BLOC1S3: variants seen among roughly 807,000 people sequenced by gnomAD.
BLOC1S3 encodes biogenesis of lysosomal organelles complex 1 subunit 3, also known as biogenesis of lysosome-related organelles complex 1 subunit 3.
Under a neutral mutation model 9.1 loss-of-function variants are expected in BLOC1S3, and 7 were observed. That is an observed-to-expected ratio of 0.77 (90% CI 0.44 to 1.45). The LOEUF (loss-of-function observed/expected upper bound fraction) is 1.45, where lower values mean the gene tolerates loss of function less well. Ranked by LOEUF, BLOC1S3 falls within the 40% of genes most tolerant of loss-of-function variation. The probability of loss-of-function intolerance (pLI) is 0.01; values close to 1 mark genes in which losing one functional copy is unlikely to be tolerated. For missense variants in BLOC1S3, 307 were observed against 315.2 expected (o/e 0.97, Z 0.20); for synonymous variants, 145 against 158.4 (o/e 0.92, Z 0.64).
intron 2 of BLOC1S3, among the ~76,000 whole-genome samples, chr19:45,193,323 T>C (rs1475992751): frequency 6.6e-6 from 1 of 152,054 alleles, no homozygotes; most frequent in Non-Finnish European, 1.5e-5. Flanking sequence ...TGGAGGCTTC[T>C]ATTCAGCCAT....
chr19:45,193,460 A>G (rs1237148053), intron 2 of BLOC1S3, among the ~76,000 whole-genome samples: 3 of 152,092 alleles, frequency 2.0e-5, no homozygotes, highest in African/African-American at 7.2e-5. Context: ...CTCATAAAGC[A>G]TATTTAAGAC....
intron 2 of BLOC1S3, among the ~76,000 whole-genome samples, chr19:45,191,975 C>T (rs1001767618): frequency 5.3e-5 from 8 of 152,202 alleles, no homozygotes; most frequent in Non-Finnish European, 8.8e-5. Context: ...GAGGAGCAGA[C>T]GGCAAATCCA....
At chr19:45,215,465 T>C (rs1429445404) in intron 3 of BLOC1S3, among the ~76,000 whole-genome samples, 1 of 151,560 alleles carries the variant, frequency 6.6e-6, no homozygotes, top group African/African-American at 2.4e-5. Context: ...AGTGAGACCC[T>C]GTCTCAAAAA....
At chr19:45,196,658 C>T (rs1355521173) in intron 2 of BLOC1S3, among the ~76,000 whole-genome samples, 6 of 151,852 alleles carry the variant, frequency 4.0e-5, no homozygotes, top group Non-Finnish European at 8.8e-5. Context: ...TTTGGGAGGC[C>T]GAGGCGGGTG....
intron 3 of BLOC1S3, among the ~76,000 whole-genome samples, chr19:45,214,261 C>A (rs1189648364): frequency 6.6e-6 from 1 of 152,120 alleles, no homozygotes; most frequent in Admixed American, 6.6e-5. Flanking sequence ...ACCCTCAGTG[C>A]TGAAACTGAA....
At chr19:45,216,297 C>G in intron 3 of BLOC1S3, 1 of 1,456,082 alleles carries the variant, frequency 6.9e-7, no homozygotes, top group African/African-American at 1.4e-5. Flanking sequence ...TAGCAGAAAC[C>G]AGGGGTGGTG....
rs746337829 is a variant in BLOC1S3 at position 45,179,736 on chromosome 19, C to T, written c.440C>T (p.Ala147Val). 5.1e-5 allele frequency: 75 copies of T among 1,458,938 alleles called. 1 individual carries two copies. In the South Asian group the frequency reaches 9.8e-4, roughly 19 times the overall value. 90.4% of individuals were successfully genotyped at this position (1,458,938 alleles called of 1,614,324 possible). ...RDVAALASRL[A>V]AAQAAGLAAA... ...GTGGCCGCCCTGGCTAGTAGGCTGGCGGCAGCCCAGGCGGCGGGGCTGGCG... is the reference window on the plus strand; with the variant it reads ...GTGGCCGCCCTGGCTAGTAGGCTGGTGGCAGCCCAGGCGGCGGGGCTGGCG... The change falls in exon 2 of 2, where the codon GCG becomes GTG. Residue 147 changes from alanine to valine, a missense_variant. Ala to Val is a moderately conservative substitution (Grantham distance 64). Transcript: ENST00000433642. The surrounding 1 kb of genome is among the most constrained non-coding windows in gnomAD (Gnocchi z 4.6).
chr19:45,194,566 C>G (rs370697073), intron 2 of BLOC1S3, among the ~76,000 whole-genome samples: 7 of 152,190 alleles, frequency 4.6e-5, no homozygotes, highest in African/African-American at 1.7e-4. Flanking sequence ...TAGACACAAT[C>G]TAAATGTCAA....
chr19:45,204,969 C>T (rs762621595), intron 3 of BLOC1S3, among the ~76,000 whole-genome samples: 2 of 151,624 alleles, frequency 1.3e-5, no homozygotes, highest in Admixed American at 6.6e-5. Flanking sequence ...CCTGACCTCG[C>T]GTAATCCCCC....
At chr19:45,184,425 G>A (rs1390695379), downstream of BLOC1S3, among the ~76,000 whole-genome samples, 1 of 152,212 alleles carries the variant, frequency 6.6e-6, no homozygotes, top group East Asian at 1.9e-4. Flanking sequence ...GGGCAATATA[G>A]CGAGACCCCA....
chr19:45,195,870 C>T (rs944104261), intron 2 of BLOC1S3, among the ~76,000 whole-genome samples: 16 of 152,234 alleles, frequency 1.1e-4, no homozygotes, highest in African/African-American at 3.6e-4. Context: ...GGTGGGATTA[C>T]GGGCGTGAGC....
chr19:45,188,510 G>T (rs79139591), intron 2 of BLOC1S3, among the ~76,000 whole-genome samples: 15,275 of 150,184 alleles, frequency 0.1, 1,009 homozygotes, highest in East Asian at 0.29. Context: ...CTAGTCACCC[G>T]GATGTGCTGT....
chr19:45,200,222 C>A, intron 2 of BLOC1S3, among the ~76,000 whole-genome samples: 1 of 143,846 alleles, frequency 7.0e-6, no homozygotes, highest in East Asian at 2.0e-4. Context: ...CGCTGTGTCG[C>A]CCAGGCTGGG....
At position 45,199,795 on chromosome 19, in the gene BLOC1S3, C is replaced by T. The variant is rs1004684226; in HGVS notation, n.181-2611C>T. Among the ~76,000 whole-genome samples the T allele has an allele frequency of 2.6e-5, 4 of 151,826 alleles. No individual in the cohort carries two copies. In the Admixed American group the frequency reaches 2.6e-4, roughly 10 times the overall value. On this transcript the variant is annotated intron_variant and non_coding_transcript_variant, in intron 2 of 3. Transcript: ENST00000591569. ...CTTCTCTTTTTGAGACAGAGTCTCA[C>T]TTTGTCGACCAGGCTGGAGTGCAGT...
intron 3 of BLOC1S3, among the ~76,000 whole-genome samples, chr19:45,207,545 G>T (rs1205749201): frequency 8.4e-6 from 1 of 119,442 alleles, no homozygotes; most frequent in Non-Finnish European, 1.7e-5. Flanking sequence ...GACAGAGCGA[G>T]ACTCTGTCTC....
chr19:45,217,052 T>C (rs1386597206), downstream of BLOC1S3: 3 of 152,320 alleles, frequency 2.0e-5, no homozygotes, highest in Admixed American at 2.0e-4. Flanking sequence ...AGACAGAGTC[T>C]CACTCTGTCC....
intron 2 of BLOC1S3, among the ~76,000 whole-genome samples, chr19:45,194,466 A>G (rs1208556521): frequency 6.6e-6 from 1 of 152,106 alleles, no homozygotes; most frequent in Non-Finnish European, 1.5e-5. Context: ...TACACCCGCG[A>G]TCGTTCCATT....
intron 3 of BLOC1S3, chr19:45,216,316 C>G: frequency 7.3e-7 from 1 of 1,370,754 alleles, no homozygotes; most frequent in Non-Finnish European, 9.7e-7. Flanking sequence ...TGGCTCAAGC[C>G]TGTAATCCCA....
chr19:45,208,463 T>TGGGCGTGGTGTC (rs775619103), intron 3 of BLOC1S3, among the ~76,000 whole-genome samples: 1 of 149,886 alleles, frequency 6.7e-6, no homozygotes. Context: ...AAAAATTAGC[T>TGGGCGTGGTGTC]GGGCGTGGTG....
Sources: allele counts gnomAD v4.1 joint callset (sites outside exome capture counted in the v4.1 genomes callset), GRCh38; gene constraint gnomAD v4.1.1; non-coding constraint Gnocchi (gnomAD v3.1); transcripts MANE v1.5; gene names NCBI Gene and HGNC (gene_info 2026-07-23, HGNC 2026-07-21).